Variants in NUAK2 observed in about 807,000 individuals in gnomAD.
NUAK2 encodes NUAK family kinase 2.
NUAK2 carries 20 observed loss-of-function variants against 29.8 expected under a neutral mutation model. The ratio of observed to expected loss-of-function variants is 0.67; its 90% CI spans 0.47 to 0.98. The LOEUF (loss-of-function observed/expected upper bound fraction) is 0.98. Among genes scored for constraint, NUAK2 ranks in the 50% least tolerant of loss-of-function variants. The pLI, the probability that NUAK2 is intolerant of heterozygous loss-of-function variation, is 0.00. For missense variants in NUAK2, 719 were observed against 834.5 expected (o/e 0.86, Z 1.71); for synonymous variants, 331 against 342.6 (o/e 0.97, Z 0.37).
Position 205,303,982 on chromosome 1 carries a change from G to A in NUAK2, c.1355C>T (p.Pro452Leu), listed in dbSNP as rs1662133987. ...GTAGTAGCCAGACTCGCGCTGTCGG[G>A]GCTTCTTGAGAATGCCCTTCTTGGG... ...LLPKKGILKK[P>L]RQRESGYYSS... The change falls in exon 7 of 7, where the codon CCC (proline) becomes CTC (leucine). Residue 452 changes from proline to leucine, a missense_variant. This residue lies in a region of NUAK2 where 430 missense variants were observed against 465.7 expected (regional missense o/e 0.92). Transcript: ENST00000367157. The A allele has an allele frequency of 6.2e-7, 1 of 1,613,786 alleles. No homozygotes were observed. The highest frequency in any genetic ancestry group is 1.1e-5 in the South Asian group (1 of 91,088).
In NUAK2 at chr1:205,306,179, G is replaced by T. The variant is rs1662176832; in HGVS notation, c.690+9C>A. 1.3e-6 allele frequency: 2 copies of T among 1,594,196 alleles called. No individual in the cohort carries two copies. Among genetic ancestry groups the T allele is most frequent in the Non-Finnish European group, 1.7e-6 (2 of 1,172,350 alleles). ...TGAGGCAGGCTGGCAGGGGAGGGTGGCCACTTACCTCTGGGCCTGTGTAGG... is the reference window on the plus strand; with the variant it reads ...TGAGGCAGGCTGGCAGGGGAGGGTGTCCACTTACCTCTGGGCCTGTGTAGG... On this transcript the variant is annotated intron_variant, in intron 5 of 6. Coordinates refer to ENST00000367157, the MANE Select transcript of NUAK2 (RefSeq NM_030952.3).
At position 205,308,485 on chromosome 1, in the gene NUAK2, A is replaced by G; in HGVS notation, c.504+96T>C. 1 of 1,361,784 alleles carries G rather than the reference A, an allele frequency of 7.3e-7. No homozygotes were observed. Among genetic ancestry groups the G allele is most frequent in the South Asian group, 1.3e-5 (1 of 79,392 alleles). 84.4% of individuals were successfully genotyped at this position (1,361,784 alleles called of 1,614,324 possible). A position where few individuals can be genotyped will look rare whatever the true frequency, so the allele number is the denominator to read the frequency against. On this transcript the variant is annotated intron_variant, in intron 3 of 6. Coordinates refer to ENST00000367157, the MANE Select transcript of NUAK2 (RefSeq NM_030952.3). The surrounding 1 kb of genome is among the most constrained non-coding windows in gnomAD (Gnocchi z 4.1). ...CTAGTTTTGCCTCTGTTTCTGTGTG[A>G]TCCTGGACAAGTCATGGAACCTCTC...
intron 4 of NUAK2, 124 bp from the exon 5 acceptor site, chr1:205,306,431 T>C: frequency 8.0e-7 from 1 of 1,254,852 alleles, no homozygotes. Context: ...AGGGTCCCCA[T>C]GACCCTTACC....
At chr1:205,305,560 G>A (rs1662168977) in intron 5 of NUAK2, 2 of 972,416 alleles carry the variant, frequency 2.1e-6, no homozygotes, top group African/African-American at 3.5e-5. Context: ...GCTGGGGAAG[G>A]GGTGGTTGTG....
intron 1 of NUAK2, 91 bp downstream of exon 1, chr1:205,321,307 G>T (rs982491569): frequency 1.7e-6 from 2 of 1,170,176 alleles, no homozygotes; most frequent in Non-Finnish European, 2.3e-6. Flanking sequence ...TCTCCGCCGA[G>T]CAACGAGCGA....
rs888922102 is a variant in NUAK2 at position 205,302,168 on chromosome 1, G to A, written c.*1282C>T. The A allele has an allele frequency of 6.6e-6, 1 of 152,438 alleles. No homozygotes were observed. Among genetic ancestry groups the A allele is most frequent in the East Asian group, 1.9e-4 (1 of 5,194 alleles). The allele number at this position is 152,438 out of a possible 1,614,324, so 9.4% of individuals were successfully genotyped here. On this transcript the variant is annotated 3_prime_UTR_variant, in exon 7 of 7. Transcript: ENST00000367157. ...AAGAGTGTGGAGTGGAGTGTGGGGG[G>A]TTGTGGGAGGAGGTGGAAATAGTTG...
chr1:205,303,371 G>A lies in NUAK2; in HGVS notation c.*79C>T, dbSNP rs1008131286. 5.6e-6 allele frequency: 7 copies of A among 1,256,274 alleles called. No individual in the cohort carries two copies. The highest frequency in any genetic ancestry group is 2.2e-4 in the Middle Eastern group (1 of 4,492). The allele number at this position is 1,256,274 out of a possible 1,614,324, so 77.8% of individuals were successfully genotyped here. Reference sequence around the variant, plus strand: ...AGCTGGGATGCAGGTCCTGGGAGGTGGGGGAGAAGGCATCTCCCCTCGGGG... The same window carrying A: ...AGCTGGGATGCAGGTCCTGGGAGGTAGGGGAGAAGGCATCTCCCCTCGGGG... On this transcript the variant is annotated 3_prime_UTR_variant, in exon 7 of 7. Transcript: ENST00000367157.
rs906845965 is a variant in NUAK2, at chr1:205,321,498, T to C, written c.131A>G (p.His44Arg). 8 of 1,613,816 alleles carry C rather than the reference T, an allele frequency of 5.0e-6. No individual in the cohort carries two copies. The Admixed American group carries it at 5.0e-5, about 10-fold the overall frequency. ...GCGGTGCCGCAGGTTGTGCTTGTGGTGGTGCCGCTTCACCGCCTGCTTCTT... is the reference window on the plus strand; with the variant it reads ...GCGGTGCCGCAGGTTGTGCTTGTGGCGGTGCCGCTTCACCGCCTGCTTCTT... Reference protein sequence around the residue: ...LMKKQAVKRHHHKHNLRHRYE... With the variant: ...LMKKQAVKRHRHKHNLRHRYE... The change falls in exon 1 of 7, where the codon CAC (histidine) becomes CGC (arginine). Residue 44 changes from histidine to arginine, a missense_variant. Physicochemically the swap from His to Arg is conservative, Grantham distance 29. Coordinates refer to ENST00000367157, the MANE Select transcript of NUAK2 (RefSeq NM_030952.3).
At chr1:205,312,055 A>T (rs1662265272) in intron 1 of NUAK2, among the ~76,000 whole-genome samples, 1 of 152,220 alleles carries the variant, frequency 6.6e-6, no homozygotes, top group Admixed American at 6.5e-5. Context: ...AGGAATATCG[A>T]CAAGTCACCT....
chr1:205,311,974 A>G, intron 1 of NUAK2, 149 bp from the exon 2 acceptor site: 1 of 946,640 alleles, frequency 1.1e-6, no homozygotes, highest in Non-Finnish European at 1.6e-6. Flanking sequence ...TAGGTGGCAG[A>G]GAGGCTGGAG....
chr1:205,317,473 G>A (rs1260361564), intron 1 of NUAK2, among the ~76,000 whole-genome samples: 1 of 152,156 alleles, frequency 6.6e-6, no homozygotes, highest in Non-Finnish European at 1.5e-5. Context: ...GTGGGGGTGG[G>A]CCTAGGGGTG....
At position 205,308,835 on chromosome 1, in the gene NUAK2, AC is replaced by A. The variant is rs1662218993; in HGVS notation, c.353-104del. On this transcript the variant is annotated intron_variant, in intron 2 of 6. Transcript: ENST00000367157. This position sits in a 1 kb window ranked among gnomAD's most constrained non-coding sequence, Gnocchi z 4.1. The stretch of plus-strand genomic sequence containing the variant: ...GACCCCAGGCCCCAAACCAGACAGG[AC>A]CCCCCTCCAGGAATATCTGCTAATG... 5 of 1,332,138 alleles carry A rather than the reference AC, an allele frequency of 3.8e-6. No homozygotes were observed. The highest frequency in any genetic ancestry group is 2.5e-5 in the South Asian group (2 of 78,900). 82.5% of individuals were successfully genotyped at this position (1,332,138 alleles called of 1,614,324 possible).
rs1662211820 is a variant in NUAK2 at position 205,308,489 on chromosome 1, T to C, written c.504+92A>G. 8 of 1,393,940 alleles carry C rather than the reference T, an allele frequency of 5.7e-6. 1 individual carries two copies. The South Asian group carries it at 8.7e-5, about 15-fold the overall frequency. The allele number at this position is 1,393,940 out of a possible 1,614,324, so 86.3% of individuals were successfully genotyped here. On this transcript the variant is annotated intron_variant, in intron 3 of 6. Transcript: ENST00000367157. This position sits in a 1 kb window ranked among gnomAD's most constrained non-coding sequence, Gnocchi z 4.1. ...TTTTGCCTCTGTTTCTGTGTGATCC[T>C]GGACAAGTCATGGAACCTCTCTGGT...
At chr1:205,309,910 C>T (rs2102648689) in intron 2 of NUAK2, among the ~76,000 whole-genome samples, 1 of 152,334 alleles carries the variant, frequency 6.6e-6, no homozygotes, top group Middle Eastern at 3.4e-3. Context: ...CCAGCTGGCT[C>T]ATCTCTCTGG....
Position 205,308,395 on chromosome 1 carries a change from C to A in NUAK2, c.505-165G>T, listed in dbSNP as rs181265393. 6.6e-6 allele frequency among the ~76,000 whole-genome samples: 1 copy of A among 152,118 alleles called. No individual in the cohort carries two copies. The highest frequency in any genetic ancestry group is 1.9e-4 in the East Asian group (1 of 5,162). ...GGTATGTGCTGCAAGAAATCACGGGCCCTTCTATCCGCGGAGAAGGGACTC... is the reference window on the plus strand; with the variant it reads ...GGTATGTGCTGCAAGAAATCACGGGACCTTCTATCCGCGGAGAAGGGACTC... On this transcript the variant is annotated intron_variant, in intron 3 of 6. Coordinates refer to ENST00000367157, the MANE Select transcript of NUAK2 (RefSeq NM_030952.3). The surrounding 1 kb of genome is among the most constrained non-coding windows in gnomAD (Gnocchi z 4.1).
chr1:205,309,388 G>A lies in NUAK2; in HGVS notation c.353-656C>T, dbSNP rs574597764. Among the ~76,000 whole-genome samples, 28 of 152,212 alleles carry A rather than the reference G, an allele frequency of 1.8e-4. 1 individual carries two copies. Among genetic ancestry groups the A allele is most frequent in the Admixed American group, 5.9e-4 (9 of 15,300 alleles). On this transcript the variant is annotated intron_variant, in intron 2 of 6. Transcript: ENST00000367157. ...GTCACCTAGGCTGGAGTGCAGTGGC[G>A]TGGTCTCGGCTCACTGCAACCTCCA...
In NUAK2 at chr1:205,311,772, C is replaced by A. The variant is rs780091091; in HGVS notation, c.285G>T (p.Met95Ile). 7.9e-5 allele frequency: 128 copies of A among 1,614,070 alleles called. No homozygotes were observed. In the Admixed American group the frequency reaches 2.0e-3, roughly 25 times the overall value. Residue 95 changes from methionine to isoleucine, a missense_variant, in exon 2 of 7, where the codon ATG becomes ATT. Met to Ile is a conservative substitution (Grantham distance 10). Transcript: ENST00000367157. ...TGATCTCAATCTCCCTCCGTATGTG[C>A]ATCAGATCTTGCTCATCTTTGATTT... ...KDKIKDEQDL[M>I]HIRREIEIMS...
Position 205,308,599 on chromosome 1 carries a change from G to T in NUAK2, c.486C>A (p.Ala162=). The change falls in exon 3 of 7, where the codon GCC becomes GCA. Residue 162 remains alanine (A), a synonymous_variant. Transcript: ENST00000367157. The surrounding 1 kb of genome is among the most constrained non-coding windows in gnomAD (Gnocchi z 4.1). Reference sequence around the variant, plus strand: ...TGCTCACCTGATGGCAATAGTGCACGGCAGAGACGATCTGCCGGAAGAAAT... The same window carrying T: ...TGCTCACCTGATGGCAATAGTGCACTGCAGAGACGATCTGCCGGAAGAAAT... The part of the protein sequence containing the change: ...ARHFFRQIVS[A]VHYCHQNRVV... 6.2e-7 allele frequency: 1 copy of T among 1,613,984 alleles called. No homozygotes were observed. Among genetic ancestry groups the T allele is most frequent in the South Asian group, 1.1e-5 (1 of 91,066 alleles).
intron 1 of NUAK2, among the ~76,000 whole-genome samples, chr1:205,320,653 G>A (rs566982945): frequency 1.3e-5 from 2 of 152,318 alleles, no homozygotes; most frequent in African/African-American, 2.4e-5. Context: ...GGCAGGCTGT[G>A]TTTTCTACAG....
Sources: gnomAD v4.1 joint callset for allele counts (sites outside exome capture counted in the v4.1 genomes callset) on GRCh38, gnomAD v4.1.1 for gene constraint, gnomAD v4.1.1 regional missense constraint, Gnocchi (gnomAD v3.1) non-coding constraint, MANE v1.5 for transcripts, NCBI Gene and HGNC (gene_info 2026-07-23, HGNC 2026-07-21) for gene names.